The following ARHGAP22 variants were observed in gnomAD, a reference collection of about 807,000 sequenced individuals.
ARHGAP22 encodes the protein Rho GTPase activating protein 22.
In ARHGAP22, 48 loss-of-function variants were observed where a neutral mutation model predicts 59.1. That is an observed-to-expected ratio of 0.81 (90% CI 0.64 to 1.03). The LOEUF is 1.03. Ranked by LOEUF, ARHGAP22 falls within the 50% of genes least tolerant of loss-of-function variation. ARHGAP22 has a pLI of 0.00. For synonymous variants in ARHGAP22, 445 were observed against 416.4 expected (o/e 1.07, Z -0.84); for missense variants, 1,015 against 958.7 (o/e 1.06, Z -0.78).
At chr10:48,461,811 G>T (rs11814611) in intron 4 of ARHGAP22, among the ~76,000 whole-genome samples, 1 of 152,184 alleles carries the variant, frequency 6.6e-6, no homozygotes, top group African/African-American at 2.4e-5. Context: ...GTGTTCCAGG[G>T]GCAAGATGCC....
intron 2 of ARHGAP22, chr10:48,556,520 C>T (rs2057321278): frequency 6.6e-6 from 1 of 152,224 alleles, no homozygotes; most frequent in South Asian, 2.1e-4. Context: ...TTTTGGTCCT[C>T]TCAATGGGAA....
chr10:48,487,002 T>G (rs544704370), intron 3 of ARHGAP22, among the ~76,000 whole-genome samples: 4 of 152,384 alleles, frequency 2.6e-5, no homozygotes, highest in African/African-American at 7.2e-5. Flanking sequence ...TAGTTATGGG[T>G]AATTTGATTA....
At chr10:48,503,374 G>A (rs1156568130) in intron 3 of ARHGAP22, among the ~76,000 whole-genome samples, 7 of 152,218 alleles carry the variant, frequency 4.6e-5, no homozygotes, top group Admixed American at 4.6e-4. Context: ...CATTTATGAG[G>A]CACCTACTCA....
intron 2 of ARHGAP22, among the ~76,000 whole-genome samples, chr10:48,562,733 A>G (rs2057768782): frequency 6.6e-6 from 1 of 152,216 alleles, no homozygotes; most frequent in Admixed American, 6.5e-5. Context: ...ACAGATGCAC[A>G]TCTATATTAA....
chr10:48,435,604 A>G, the ARHGAP22 span: 1 of 152,208 alleles, frequency 6.6e-6, no homozygotes, highest in Non-Finnish European at 1.5e-5. Flanking sequence ...GCTACTTGCC[A>G]ATCCTAATTT....
chr10:48,559,669 G>C (rs1332476805), intron 2 of ARHGAP22, among the ~76,000 whole-genome samples: 1 of 152,060 alleles, frequency 6.6e-6, no homozygotes, highest in Non-Finnish European at 1.5e-5. Flanking sequence ...TTGACCATTT[G>C]TATTTCTTCT....
intron 3 of ARHGAP22, among the ~76,000 whole-genome samples, chr10:48,519,864 C>A (rs1346104531): frequency 6.6e-6 from 1 of 152,258 alleles, no homozygotes; most frequent in East Asian, 1.9e-4. Context: ...TTTCTGCAGG[C>A]AGTCTGGGGC....
chr10:48,465,082 G>A (rs913731726), intron 4 of ARHGAP22, among the ~76,000 whole-genome samples: 1 of 152,078 alleles, frequency 6.6e-6, no homozygotes, highest in Admixed American at 6.5e-5. Context: ...GCCTGGCAGG[G>A]CCTGCCCCCG....
chr10:48,519,559 G>T (rs1273595238), intron 3 of ARHGAP22, among the ~76,000 whole-genome samples: 1 of 152,232 alleles, frequency 6.6e-6, no homozygotes, highest in African/African-American at 2.4e-5. Flanking sequence ...TCTTGCTACT[G>T]TTCACAAGTA....
intron 1 of ARHGAP22, among the ~76,000 whole-genome samples, chr10:48,595,340 T>A (rs779888645): frequency 3.3e-5 from 5 of 152,174 alleles, no homozygotes; most frequent in Non-Finnish European, 7.3e-5. Flanking sequence ...AAGGGCACTC[T>A]GGAGGGGCCG....
intron 3 of ARHGAP22, among the ~76,000 whole-genome samples, chr10:48,490,747 A>G (rs2050309460): frequency 6.6e-6 from 1 of 152,106 alleles, no homozygotes; most frequent in Non-Finnish European, 1.5e-5. Flanking sequence ...CAGGCGTTAA[A>G]TGCTGTCCTC....
intron 3 of ARHGAP22, among the ~76,000 whole-genome samples, chr10:48,536,176 A>AG (rs2055334816): frequency 6.6e-6 from 1 of 152,144 alleles, no homozygotes; most frequent in Admixed American, 6.5e-5. Context: ...CTCAGTCTTG[A>AG]GGGGGAGGTC....
intron 1 of ARHGAP22, among the ~76,000 whole-genome samples, chr10:48,590,517 G>C (rs1287889165): frequency 1.3e-5 from 2 of 152,166 alleles, no homozygotes; most frequent in Non-Finnish European, 2.9e-5. Context: ...TGGGATTGGA[G>C]AGTCTACCTG....
At chr10:48,502,984 C>T (rs1396203594) in intron 3 of ARHGAP22, among the ~76,000 whole-genome samples, 2 of 152,208 alleles carry the variant, frequency 1.3e-5, no homozygotes, top group African/African-American at 4.8e-5. Context: ...ACAGCATCCT[C>T]TCAGCCACCT....
chr10:48,597,477 G>C (rs2060136174), intron 1 of ARHGAP22, among the ~76,000 whole-genome samples: 1 of 152,166 alleles, frequency 6.6e-6, no homozygotes, highest in Admixed American at 6.5e-5. Context: ...GAGTCCCGAG[G>C]CCCTTTAGCC....
upstream of ARHGAP22, among the ~76,000 whole-genome samples, chr10:48,607,998 A>G (rs574346731): frequency 2.5e-4 from 38 of 152,340 alleles, no homozygotes; most frequent in Non-Finnish European, 4.4e-4. Flanking sequence ...TTGGCTGCAC[A>G]TTAGGGAGCT....
chr10:48,457,166 G>GGGAA (rs1200630748), intron 5 of ARHGAP22, among the ~76,000 whole-genome samples: 3 of 152,114 alleles, frequency 2.0e-5, no homozygotes, highest in African/African-American at 7.2e-5. Flanking sequence ...TCTGTACCCA[G>GGGAA]GGAACCCCCC....
chr10:48,512,605 T>C (rs1258651517), intron 3 of ARHGAP22, among the ~76,000 whole-genome samples: 1 of 152,230 alleles, frequency 6.6e-6, no homozygotes, highest in Non-Finnish European at 1.5e-5. Flanking sequence ...CTAGCAATCT[T>C]ACACACAGAG....
intron 2 of ARHGAP22, among the ~76,000 whole-genome samples, chr10:48,570,880 G>A (rs967988340): frequency 3.3e-5 from 5 of 152,206 alleles, no homozygotes; most frequent in African/African-American, 4.8e-5. Flanking sequence ...TGCACGAAAC[G>A]GCCATTGAGG....
Sources: allele counts gnomAD v4.1 joint callset (sites outside exome capture counted in the v4.1 genomes callset), GRCh38; gene constraint gnomAD v4.1.1; transcripts MANE v1.5; gene names NCBI Gene and HGNC (gene_info 2026-07-23, HGNC 2026-07-21).